The following ANKS1B variants were observed in gnomAD, a reference collection of about 807,000 sequenced individuals.
The protein encoded by ANKS1B is ankyrin repeat and sterile alpha motif domain containing 1B.
A neutral mutation model predicts 148.3 loss-of-function variants in ANKS1B; 36 were observed. The ratio of observed to expected loss-of-function variants is 0.24; its 90% CI spans 0.19 to 0.32. The LOEUF (loss-of-function observed/expected upper bound fraction) is 0.32, where lower values mean the gene tolerates loss of function less well. ANKS1B is among the 10% of genes least tolerant of loss of function. The probability of loss-of-function intolerance (pLI) is 1.00; values close to 1 mark genes in which losing one functional copy is unlikely to be tolerated. For missense variants in ANKS1B, 1,157 were observed against 1,542.6 expected (o/e 0.75, Z 4.19); for synonymous variants, 542 against 560.8 (o/e 0.97, Z 0.47).
intron 9 of ANKS1B, among the ~76,000 whole-genome samples, chr12:99,524,805 C>G (rs1157720849): frequency 6.6e-6 from 1 of 152,090 alleles, no homozygotes; most frequent in Admixed American, 6.6e-5. Flanking sequence ...GAGATTTATT[C>G]CCTACCATGA....
intron 12 of ANKS1B, among the ~76,000 whole-genome samples, chr12:99,264,770 T>C (rs150051971): frequency 1.6e-3 from 240 of 152,228 alleles, no homozygotes; most frequent in Non-Finnish European, 2.8e-3. Context: ...GTCAGGGACT[T>C]AGGAAATTCT....
chr12:99,812,418 C>T, intron 2 of ANKS1B, 107 bp from the exon 3 acceptor site: 1 of 1,205,836 alleles, frequency 8.3e-7, no homozygotes, highest in Non-Finnish European at 1.1e-6. Context: ...TTAGAGTAAT[C>T]ATTCAAGGTA....
intron 8 of ANKS1B, among the ~76,000 whole-genome samples, chr12:99,681,821 G>T (rs2098620074): frequency 6.6e-6 from 1 of 152,134 alleles, no homozygotes; most frequent in African/African-American, 2.4e-5. Flanking sequence ...CATCAGCAAT[G>T]GATCCAAATC....
At chr12:99,735,884 TC>T (rs2059575114) in intron 8 of ANKS1B, among the ~76,000 whole-genome samples, 1 of 145,886 alleles carries the variant, frequency 6.9e-6, no homozygotes, top group African/African-American at 2.5e-5. Context: ...AAACTGAATA[TC>T]ATAGCACATC....
chr12:98,831,827 C>A, intron 18 of ANKS1B: 1 of 599,296 alleles, frequency 1.7e-6, no homozygotes, highest in Non-Finnish European at 3.0e-6. Context: ...CTGCTCACTG[C>A]AATGCTCCGC....
intron 14 of ANKS1B, among the ~76,000 whole-genome samples, chr12:99,197,935 G>A (rs933517358): frequency 5.9e-5 from 9 of 152,110 alleles, no homozygotes; most frequent in Non-Finnish European, 1.2e-4. Flanking sequence ...GCCATTCTAT[G>A]TCATGCTTTC....
rs984961609 is a variant in ANKS1B at position 99,504,735 on chromosome 12, C to A, written c.1273-94G>T. ...GAAAAGATAATCAGGTTCATTAGTT[C>A]TTTCCAAAGTGATTGACAGCTGATG... On this transcript the variant is annotated intron_variant, in intron 9 of 26. Coordinates refer to ENST00000683438, the MANE Select transcript of ANKS1B (RefSeq NM_001352186.2). The A allele has an allele frequency of 2.7e-5, 25 of 937,154 alleles. No individual in the cohort carries two copies. In the African/African-American group the frequency reaches 3.9e-4, roughly 15 times the overall value. 58.1% of individuals were successfully genotyped at this position (937,154 alleles called of 1,614,324 possible).
intron 1 of ANKS1B, among the ~76,000 whole-genome samples, chr12:99,895,278 G>A (rs550859539): frequency 2.0e-5 from 3 of 150,322 alleles, no homozygotes; most frequent in Non-Finnish European, 4.5e-5. Flanking sequence ...GTATTAGTCA[G>A]GGTTCTCCAG....
chr12:99,869,459 A>G (rs910511540), intron 1 of ANKS1B, among the ~76,000 whole-genome samples: 6 of 152,162 alleles, frequency 3.9e-5, no homozygotes, highest in Non-Finnish European at 7.4e-5. Context: ...GGATCACCTG[A>G]GGTTGGGAGT....
intron 11 of ANKS1B, among the ~76,000 whole-genome samples, chr12:99,439,316 T>C (rs1341472956): frequency 6.6e-6 from 1 of 151,598 alleles, no homozygotes; most frequent in Non-Finnish European, 1.5e-5. Context: ...ACATAAAAAT[T>C]AAAATATTCT....
intron 12 of ANKS1B, among the ~76,000 whole-genome samples, chr12:99,314,643 G>A (rs1476199139): frequency 6.6e-6 from 1 of 151,894 alleles, no homozygotes; most frequent in African/African-American, 2.4e-5. Context: ...TCTTTGACAA[G>A]CCTGACAAAA....
At chr12:98,773,529 A>G (rs1381399279) in intron 24 of ANKS1B, among the ~76,000 whole-genome samples, 2 of 152,116 alleles carry the variant, frequency 1.3e-5, no homozygotes, top group South Asian at 2.1e-4. Context: ...ATCTCGGCTC[A>G]CTGCAGCCTC....
chr12:99,657,415 G>A (rs561496662), intron 8 of ANKS1B, among the ~76,000 whole-genome samples: 1 of 152,168 alleles, frequency 6.6e-6, no homozygotes, highest in East Asian at 1.9e-4. Context: ...AATAAAAGAG[G>A]TATATTTGGT....
At chr12:99,189,379 A>G (rs2080328697) in intron 14 of ANKS1B, among the ~76,000 whole-genome samples, 1 of 152,194 alleles carries the variant, frequency 6.6e-6, no homozygotes. Context: ...AACCTGGCAG[A>G]GAAACAACAA....
At chr12:99,009,789 G>A (rs1444184202) in intron 17 of ANKS1B, among the ~76,000 whole-genome samples, 1 of 151,580 alleles carries the variant, frequency 6.6e-6, no homozygotes. Context: ...TTAGCTCCCT[G>A]GTTCTTAAAG....
intron 17 of ANKS1B, among the ~76,000 whole-genome samples, chr12:98,922,919 T>A (rs528377474): frequency 8.5e-5 from 13 of 152,302 alleles, no homozygotes; most frequent in African/African-American, 3.1e-4. Context: ...TTACCATGCA[T>A]CACAGTCAAT....
intron 12 of ANKS1B, among the ~76,000 whole-genome samples, chr12:99,303,419 T>A (rs536915816): frequency 6.6e-6 from 1 of 152,134 alleles, no homozygotes; most frequent in Non-Finnish European, 1.5e-5. Flanking sequence ...TATATCTATC[T>A]ACTTAAAACA....
intron 1 of ANKS1B, among the ~76,000 whole-genome samples, chr12:99,856,318 A>G (rs2089053567): frequency 1.3e-5 from 2 of 152,178 alleles, no homozygotes; most frequent in Admixed American, 1.3e-4. Context: ...CCTAGTGGAC[A>G]TGGATAAATT....
Position 99,488,281 on chromosome 12 carries a change from G to T in ANKS1B, c.1438+16195C>A, listed in dbSNP as rs566305194. Among the ~76,000 whole-genome samples the T allele has an allele frequency of 1.4e-4, 21 of 152,166 alleles. No homozygotes were observed. In the South Asian group the frequency reaches 3.7e-3, roughly 27 times the overall value. Reference sequence around the variant, plus strand: ...ATAGCAAGAATTTTAAAAATTGCATGCAATATAATCTCTTTGTCTTTCATT... The same window carrying T: ...ATAGCAAGAATTTTAAAAATTGCATTCAATATAATCTCTTTGTCTTTCATT... On this transcript the variant is annotated intron_variant, in intron 10 of 26. Transcript: ENST00000683438.
Sources: gnomAD v4.1 joint callset for allele counts (sites outside exome capture counted in the v4.1 genomes callset) on GRCh38, gnomAD v4.1.1 for gene constraint, MANE v1.5 for transcripts, NCBI Gene and HGNC (gene_info 2026-07-23, HGNC 2026-07-21) for gene names.